The following DMD variants were observed in gnomAD, a reference collection of about 807,000 sequenced individuals.
DMD encodes mutant dystrophin.
DMD carries 63 observed loss-of-function variants against 330.1 expected under a neutral mutation model. The ratio of observed to expected loss-of-function variants is 0.19; its 90% CI spans 0.16 to 0.24. The LOEUF (loss-of-function observed/expected upper bound fraction) is 0.24. DMD is among the 10% of genes least tolerant of loss of function. The probability of loss-of-function intolerance (pLI) is 1.00; values close to 1 mark genes in which losing one functional copy is unlikely to be tolerated. For missense variants in DMD, 3,344 were observed against 2,684.1 expected (o/e 1.25, Z -5.43); for synonymous variants, 1,223 against 959.8 (o/e 1.27, Z -5.07).
At chrX:33,022,133 G>T (rs1035682185) in intron 1 of DMD, among the ~76,000 whole-genome samples, 3 of 110,979 alleles carry the variant, frequency 2.7e-5, no homozygotes, top group African/African-American at 9.8e-5. Context: ...ATGTGCATGC[G>T]TACTTTCTGT....
chrX:32,191,126 A>G (rs1295060091), intron 44 of DMD, among the ~76,000 whole-genome samples: 1 of 111,523 alleles, frequency 9.0e-6, no homozygotes, highest in African/African-American at 3.3e-5. Flanking sequence ...TTGAGGCACC[A>G]GTTCCTGCTT....
chrX:33,041,386 C>T lies in DMD; in HGVS notation c.32-21186G>A, dbSNP rs112728162. On this transcript the variant is annotated intron_variant, in intron 1 of 78. Coordinates refer to ENST00000357033, the MANE Select transcript of DMD (RefSeq NM_004006.3). Reference sequence around the variant, plus strand: ...TTCCGCCCCTCCTTCTCGCGGGGCTCGAGGGACCATGGCCGATCCTCGCGT... The same window carrying T: ...TTCCGCCCCTCCTTCTCGCGGGGCTTGAGGGACCATGGCCGATCCTCGCGT... The T allele has an allele frequency of 2.8e-3, 3,305 of 1,185,890 alleles. 59 individuals are homozygous for T. The African/African-American group carries it at 0.051, about 18-fold the overall frequency.
chrX:33,118,134 G>A lies in DMD; in HGVS notation c.31+93148C>T, dbSNP rs1332102557. Among the ~76,000 whole-genome samples, 53 of 94,562 alleles carry A rather than the reference G, an allele frequency of 5.6e-4. 1 individual carries two copies. Among genetic ancestry groups the A allele is most frequent in the Admixed American group, 2.4e-3 (19 of 7,948 alleles). 82.1% of individuals were successfully genotyped at this position (94,562 alleles called of 115,157 possible). A position where few individuals can be genotyped will look rare whatever the true frequency, so the allele number is the denominator to read the frequency against. ...ACTCTTTTTTTTTTTTTTTTGAGAC[G>A]GAGTCTCGCTCTGTCGCCCAGGCTG... On this transcript the variant is annotated intron_variant, in intron 1 of 78. Transcript: ENST00000357033.
chrX:33,215,687 G>A (rs1178146241), upstream of DMD, among the ~76,000 whole-genome samples: 7 of 111,867 alleles, frequency 6.3e-5, no homozygotes, highest in Non-Finnish European at 3.8e-5. Flanking sequence ...TTCACCGTCA[G>A]TTGATTTTTG....
At chrX:31,370,267 G>A (rs1235336136) in intron 60 of DMD, among the ~76,000 whole-genome samples, 1 of 111,431 alleles carries the variant, frequency 9.0e-6, no homozygotes, top group Non-Finnish European at 1.9e-5. Flanking sequence ...GAAAAGATGA[G>A]AGAGAAAACA....
At chrX:33,126,605 C>T (rs1276470919) in intron 1 of DMD, among the ~76,000 whole-genome samples, 1 of 111,716 alleles carries the variant, frequency 9.0e-6, no homozygotes, top group Non-Finnish European at 1.9e-5. Context: ...TGGGGCTTTG[C>T]GGAGAACAAT....
intron 71 of DMD, among the ~76,000 whole-genome samples, chrX:31,174,182 T>C (rs1340150083): frequency 9.0e-6 from 1 of 111,434 alleles, no homozygotes; most frequent in Non-Finnish European, 1.9e-5. Flanking sequence ...ACCACTAATT[T>C]CTAGCACAAA....
intron 37 of DMD, among the ~76,000 whole-genome samples, chrX:32,357,196 G>T (rs1051087517): frequency 5.4e-5 from 6 of 111,825 alleles, no homozygotes; most frequent in African/African-American, 2.0e-4. Flanking sequence ...GCCTATTATT[G>T]GAATTTATAT....
rs1295935628 is a variant in DMD, at chrX:32,343,220, G to T, written c.5653C>A (p.Gln1885Lys). The T allele has an allele frequency of 8.3e-7, 1 of 1,207,609 alleles. No homozygotes were observed. Among genetic ancestry groups the T allele is most frequent in the Non-Finnish European group, 1.1e-6 (1 of 892,338 alleles). Residue 1885 changes from glutamine (Q) to lysine (K), a missense_variant, in exon 40 of 79, where the codon CAG (glutamine) becomes AAG (lysine). By Grantham distance (53) the Gln-to-Lys change is moderately conservative. Transcript: ENST00000357033. ...ISHQWYQYKR[Q>K]ADDLLKCLDD... ...AAGCATTTCAGGAGATCATCAGCCT[G>T]CCTCTTGTACTGATACCACTGATGA...
At chrX:33,165,657 T>C (rs1319504044) in intron 1 of DMD, among the ~76,000 whole-genome samples, 2 of 111,425 alleles carry the variant, frequency 1.8e-5, no homozygotes, top group Non-Finnish European at 3.8e-5. Context: ...AGGGACGACA[T>C]AGGATCACAA....
intron 17 of DMD, among the ~76,000 whole-genome samples, chrX:32,538,801 T>G (rs760973614): frequency 9.0e-6 from 1 of 111,410 alleles, no homozygotes; most frequent in Non-Finnish European, 1.9e-5. Flanking sequence ...TGCTGAAGCA[T>G]GAGAACCACT....
chrX:31,335,803 T>G (rs1008784796), intron 61 of DMD, among the ~76,000 whole-genome samples: 5 of 112,270 alleles, frequency 4.5e-5, no homozygotes, highest in African/African-American at 1.6e-4. Flanking sequence ...ACAGATTGGC[T>G]TCCTCCAGGA....
intron 1 of DMD, among the ~76,000 whole-genome samples, chrX:33,047,332 G>T (rs1345348731): frequency 1.8e-5 from 2 of 111,297 alleles, no homozygotes; most frequent in Non-Finnish European, 3.8e-5. Flanking sequence ...AAATAAAAAT[G>T]AATATATTCG....
chrX:32,034,125 T>A (rs1359010847), intron 44 of DMD, among the ~76,000 whole-genome samples: 1 of 111,880 alleles, frequency 8.9e-6, no homozygotes, highest in Admixed American at 9.5e-5. Flanking sequence ...TTAGAAGCCA[T>A]GACTTGAACA....
intron 7 of DMD, among the ~76,000 whole-genome samples, chrX:32,804,465 C>T (rs2076808278): frequency 8.9e-6 from 1 of 112,450 alleles, no homozygotes; most frequent in Non-Finnish European, 1.9e-5. Context: ...AGAAAGGCAG[C>T]AGCCCCAGTC....
At chrX:31,889,750 C>G (rs1304239617) in intron 47 of DMD, among the ~76,000 whole-genome samples, 1 of 107,461 alleles carries the variant, frequency 9.3e-6, no homozygotes, top group Admixed American at 1.0e-4. Context: ...CCCTCCCAGC[C>G]GTACTCTAAA....
At chrX:33,132,066 T>C (rs975151933) in intron 1 of DMD, among the ~76,000 whole-genome samples, 1 of 112,204 alleles carries the variant, frequency 8.9e-6, no homozygotes, top group African/African-American at 3.2e-5. Context: ...TCAACTCCTC[T>C]TCAAGGGCTT....
At chrX:32,522,806 T>C (rs945944649) in intron 17 of DMD, among the ~76,000 whole-genome samples, 1 of 112,434 alleles carries the variant, frequency 8.9e-6, no homozygotes, top group Non-Finnish European at 1.9e-5. Context: ...CATAAATATT[T>C]TGAAAACTGG....
At chrX:32,704,261 T>C (rs1292517896) in intron 7 of DMD, among the ~76,000 whole-genome samples, 1 of 92,136 alleles carries the variant, frequency 1.1e-5, no homozygotes, top group African/African-American at 7.9e-5. Context: ...TTCTCTCAGA[T>C]ACTATCTCAG....
Sources: gnomAD v4.1 joint callset for allele counts (sites outside exome capture counted in the v4.1 genomes callset) on GRCh38, gnomAD v4.1.1 for gene constraint, MANE v1.5 for transcripts, NCBI Gene and HGNC (gene_info 2026-07-23, HGNC 2026-07-21) for gene names.